The following ARHGEF19 variants were observed in gnomAD, a reference collection of about 807,000 sequenced individuals.
ARHGEF19 encodes Rho guanine nucleotide exchange factor 19, also known as Rho guanine nucleotide exchange factor (GEF) 19.
A neutral mutation model predicts 87.6 loss-of-function variants in ARHGEF19; 92 were observed. The ratio of observed to expected loss-of-function variants is 1.05; its 90% CI spans 0.89 to 1.25. The LOEUF is 1.25. ARHGEF19 is among the 50% of genes most tolerant of loss of function. The probability of loss-of-function intolerance (pLI) is 0.00; values close to 1 mark genes in which losing one functional copy is unlikely to be tolerated. For missense variants in ARHGEF19, 1,054 were observed against 1,051.8 expected (o/e 1.00, Z -0.03); for synonymous variants, 438 against 446.2 (o/e 0.98, Z 0.23).
chr1:16,198,828 G>T lies in ARHGEF19; in HGVS notation c.2252-84C>A. The stretch of plus-strand genomic sequence containing the variant: ...AGGGAACACCACAGCCCTGATGCAA[G>T]CTTTGTCTGCACCCTTGGGGCCAAG... On this transcript the variant is annotated intron_variant, in intron 15 of 15. Coordinates refer to ENST00000270747, the MANE Select transcript of ARHGEF19 (RefSeq NM_153213.5). The surrounding 1 kb of genome is among the most constrained non-coding windows in gnomAD (Gnocchi z 4.1). 6.7e-7 allele frequency: 1 copy of T among 1,489,586 alleles called. No individual in the cohort carries two copies. The highest frequency in any genetic ancestry group is 9.0e-7 in the Non-Finnish European group (1 of 1,111,886). 92.3% of individuals were successfully genotyped at this position (1,489,586 alleles called of 1,614,324 possible). A position where few individuals can be genotyped will look rare whatever the true frequency, so the allele number is the denominator to read the frequency against.
In ARHGEF19 at chr1:16,206,962, A is replaced by G; in HGVS notation, c.1123T>C (p.Cys375Arg). 6.7e-7 allele frequency: 1 copy of G among 1,494,742 alleles called. No homozygotes were observed. The highest frequency in any genetic ancestry group is 8.9e-7 in the Non-Finnish European group (1 of 1,129,004). The allele number at this position is 1,494,742 out of a possible 1,614,324, so 92.6% of individuals were successfully genotyped here. ...CGCGCGCCCACCTCCTGCAGCTTGC[A>G]GTCCCGCAGGCTCAGCGTGGCCAGG... is the stretch of plus-strand genomic sequence containing the variant. Reference protein sequence around the residue: ...GVLATLSLRDCKLQEAKFELI... With the variant: ...GVLATLSLRDRKLQEAKFELI... Residue 375 changes from cysteine (C) to arginine (R), a missense_variant, in exon 6 of 16, where the codon TGC becomes CGC. Transcript: ENST00000270747. This position sits in a 1 kb window ranked among gnomAD's most constrained non-coding sequence, Gnocchi z 4.6.
At chr1:16,202,023 C>G (rs1456047316) in intron 13 of ARHGEF19, among the ~76,000 whole-genome samples, 162 bp from the exon 14 acceptor site, 1 of 150,746 alleles carries the variant, frequency 6.6e-6, no homozygotes, top group Non-Finnish European at 1.5e-5. Context: ...CACCCCACAA[C>G]CCGGTTCCCA....
At chr1:16,210,579 C>T (rs913708802) in intron 1 of ARHGEF19, among the ~76,000 whole-genome samples, 5 of 152,328 alleles carry the variant, frequency 3.3e-5, no homozygotes, top group African/African-American at 1.2e-4. Flanking sequence ...TCAGGCCAAC[C>T]AGATCCTCAG....
chr1:16,206,247 A>T lies in ARHGEF19; in HGVS notation c.1231T>A (p.Cys411Ser). 6.3e-7 allele frequency: 1 copy of T among 1,595,458 alleles called. No homozygotes were observed. Among genetic ancestry groups the T allele is most frequent in the Non-Finnish European group, 8.5e-7 (1 of 1,171,388 alleles). Residue 411 changes from cysteine to serine, a missense_variant, in exon 7 of 16, where the codon TGT becomes AGT. Coordinates refer to ENST00000270747, the MANE Select transcript of ARHGEF19 (RefSeq NM_153213.5). This position sits in a 1 kb window ranked among gnomAD's most constrained non-coding sequence, Gnocchi z 4.6. Reference protein sequence around the residue: ...HFLGSAELSECLGAQDKQWLF... With the variant: ...HFLGSAELSESLGAQDKQWLF... ...CACTGCTTGTCCTGCGCCCCCAGAC[A>T]CTCGCTCAGCTCGGCAGAGCCTAAG...
At chr1:16,209,935 C>T (rs975930614) in intron 1 of ARHGEF19, among the ~76,000 whole-genome samples, 1 of 152,256 alleles carries the variant, frequency 6.6e-6, no homozygotes, top group Non-Finnish European at 1.5e-5. Flanking sequence ...CCCCAGCACC[C>T]CCGGCTTGGA....
At chr1:16,204,720 C>G in intron 12 of ARHGEF19, 39 bp downstream of exon 12, 1 of 1,525,062 alleles carries the variant, frequency 6.6e-7, no homozygotes, top group Non-Finnish European at 8.8e-7. Context: ...GAGAGCCTGG[C>G]TCCACTTTAC....
Position 16,207,385 on chromosome 1 carries a change from G to T in ARHGEF19, c.874+137C>A, listed in dbSNP as rs1174012429. ...CATAAACAAATTGAGCACCTACTGA[G>T]TGCTAGATACCGACAGTTCCATTCT... is the stretch of plus-strand genomic sequence containing the variant. On this transcript the variant is annotated intron_variant, in intron 5 of 15. Coordinates refer to ENST00000270747, the MANE Select transcript of ARHGEF19 (RefSeq NM_153213.5). This position sits in a 1 kb window ranked among gnomAD's most constrained non-coding sequence, Gnocchi z 4.0. The T allele has an allele frequency of 4.5e-6, 6 of 1,337,580 alleles. No individual in the cohort carries two copies. Among genetic ancestry groups the T allele is most frequent in the Non-Finnish European group, 6.1e-6 (6 of 981,730 alleles). The allele number at this position is 1,337,580 out of a possible 1,614,324, so 82.9% of individuals were successfully genotyped here. A position where few individuals can be genotyped will look rare whatever the true frequency, so the allele number is the denominator to read the frequency against.
Position 16,204,793 on chromosome 1 carries a change from A to G in ARHGEF19, c.1873T>C (p.Phe625Leu). ...CGAGAGAGCAGCAAGCAGTCATTGAAGAGGTGGAGGTAGACTGCCTTGCTG... is the reference window on the plus strand; with the variant it reads ...CGAGAGAGCAGCAAGCAGTCATTGAGGAGGTGGAGGTAGACTGCCTTGCTG... ...LSSKAVYLHL[F>L]NDCLLLSRRK... Residue 625 changes from phenylalanine (F) to leucine (L), a missense_variant, in exon 12 of 16, where the codon TTC becomes CTC. By Grantham distance (22) the Phe-to-Leu change is conservative (BLOSUM62 0). Coordinates refer to ENST00000270747, the MANE Select transcript of ARHGEF19 (RefSeq NM_153213.5). 1 of 1,610,926 alleles carries G rather than the reference A, an allele frequency of 6.2e-7. No homozygotes were observed. The highest frequency in any genetic ancestry group is 1.1e-5 in the South Asian group (1 of 90,846).
chr1:16,209,787 C>T (rs1415178280), intron 1 of ARHGEF19, among the ~76,000 whole-genome samples: 1 of 152,378 alleles, frequency 6.6e-6, no homozygotes, highest in Non-Finnish European at 1.5e-5. Flanking sequence ...CCCCCATCTC[C>T]CCGACCCTTG....
At position 16,207,856 on chromosome 1, in the gene ARHGEF19, G is replaced by T; in HGVS notation, c.695-79C>A. ...GGGCCCCGGCCCAGGCACCCTGACG[G>T]CCTCAGGCGGCCGGTGAGTGGGCAT... On this transcript the variant is annotated intron_variant, in intron 3 of 15. Coordinates refer to ENST00000270747, the MANE Select transcript of ARHGEF19 (RefSeq NM_153213.5). This position sits in a 1 kb window ranked among gnomAD's most constrained non-coding sequence, Gnocchi z 4.0. 3.2e-6 allele frequency: 5 copies of T among 1,585,228 alleles called. No individual in the cohort carries two copies. The highest frequency in any genetic ancestry group is 4.3e-6 in the Non-Finnish European group (5 of 1,166,886).
chr1:16,201,896 C>A (rs746162562), intron 13 of ARHGEF19, 35 bp from the exon 14 acceptor site: 1 of 1,607,184 alleles, frequency 6.2e-7, no homozygotes, highest in Non-Finnish European at 8.5e-7. Context: ...TCACAATATG[C>A]AAAGTGCAGT....
chr1:16,209,932 AC>A (rs1307702419), intron 1 of ARHGEF19, among the ~76,000 whole-genome samples: 3 of 152,128 alleles, frequency 2.0e-5, no homozygotes, highest in Non-Finnish European at 4.4e-5. Context: ...GTGCCCCAGC[AC>A]CCCCGGCTTG....
At position 16,206,395 on chromosome 1, in the gene ARHGEF19, C is replaced by T; in HGVS notation, c.1138-55G>A. On this transcript the variant is annotated intron_variant, in intron 6 of 15. Transcript: ENST00000270747. The surrounding 1 kb of genome is among the most constrained non-coding windows in gnomAD (Gnocchi z 4.6). The stretch of plus-strand genomic sequence containing the variant: ...GGCAGGACCAGTTCACCTCGGAGGC[C>T]CTGGCCTCACATCCCCAGACCCCAG... 6.5e-7 allele frequency: 1 copy of T among 1,545,682 alleles called. No individual in the cohort carries two copies. Among genetic ancestry groups the T allele is most frequent in the Non-Finnish European group, 8.8e-7 (1 of 1,140,908 alleles).
chr1:16,208,983 T>G lies in ARHGEF19; in HGVS notation c.72A>C (p.Val24=). 1.3e-6 allele frequency: 2 copies of G among 1,538,478 alleles called. No homozygotes were observed. The highest frequency in any genetic ancestry group is 1.7e-6 in the Non-Finnish European group (2 of 1,143,990). The change falls in exon 2 of 16, where the codon GTA becomes GTC. Residue 24 remains valine, a synonymous_variant. Coordinates refer to ENST00000270747, the MANE Select transcript of ARHGEF19 (RefSeq NM_153213.5). ...TGPPGTAHHP[V]AVCQQESLSF... The stretch of plus-strand genomic sequence containing the variant: ...ACAGACTCTCCTGCTGGCACACTGC[T>G]ACAGGGTGGTGGGCAGTGCCAGGTG...
In ARHGEF19 at chr1:16,207,237, C is replaced by G. The variant is rs2081148501; in HGVS notation, c.875-27G>C. ...TGGGGGAAAGACGGGCGGGGGAGAGCGTGGGGCGCCCGCCAGCCCCTGCCC... is the reference window on the plus strand; with the variant it reads ...TGGGGGAAAGACGGGCGGGGGAGAGGGTGGGGCGCCCGCCAGCCCCTGCCC... On this transcript the variant is annotated intron_variant, in intron 5 of 15. Transcript: ENST00000270747. The surrounding 1 kb of genome is among the most constrained non-coding windows in gnomAD (Gnocchi z 4.0). The G allele has an allele frequency of 6.8e-7, 1 of 1,475,340 alleles. No individual in the cohort carries two copies. Among genetic ancestry groups the G allele is most frequent in the African/African-American group, 1.4e-5 (1 of 70,674 alleles). 91.4% of individuals were successfully genotyped at this position (1,475,340 alleles called of 1,614,324 possible). A position where few individuals can be genotyped will look rare whatever the true frequency, so the allele number is the denominator to read the frequency against.
Position 16,207,813 on chromosome 1 carries a change from A to G in ARHGEF19, c.695-36T>C, listed in dbSNP as rs753901206. On this transcript the variant is annotated intron_variant, in intron 3 of 15. Coordinates refer to ENST00000270747, the MANE Select transcript of ARHGEF19 (RefSeq NM_153213.5). This position sits in a 1 kb window ranked among gnomAD's most constrained non-coding sequence, Gnocchi z 4.0. ...CGAGAACTGAGGGTGGGGGGTCCAG[A>G]GAGTGGGCCTGGGGCCTGGGCCCCG... 1.2e-6 allele frequency: 2 copies of G among 1,610,420 alleles called. No homozygotes were observed. The highest frequency in any genetic ancestry group is 1.7e-6 in the Non-Finnish European group (2 of 1,178,902).
chr1:16,201,570 T>C (rs1372600705), intron 14 of ARHGEF19, among the ~76,000 whole-genome samples: 7 of 152,202 alleles, frequency 4.6e-5, no homozygotes, highest in African/African-American at 1.7e-4. Flanking sequence ...GAAGGCTTTA[T>C]GATCTCCAGG....
In ARHGEF19 at chr1:16,205,234, G is replaced by C; in HGVS notation, c.1657-58C>G. On this transcript the variant is annotated intron_variant, in intron 10 of 15. Coordinates refer to ENST00000270747, the MANE Select transcript of ARHGEF19 (RefSeq NM_153213.5). The surrounding 1 kb of genome is among the most constrained non-coding windows in gnomAD (Gnocchi z 5.8). Reference sequence around the variant, plus strand: ...CCTCAGCTCCGGCTCCCAGAGCCCAGCCTCAGACTCTTGCCTGGGGACCGG... The same window carrying C: ...CCTCAGCTCCGGCTCCCAGAGCCCACCCTCAGACTCTTGCCTGGGGACCGG... 2 of 1,594,346 alleles carry C rather than the reference G, an allele frequency of 1.3e-6. No individual in the cohort carries two copies. The highest frequency in any genetic ancestry group is 1.1e-5 in the South Asian group (1 of 89,398).
At chr1:16,209,113 A>G in intron 1 of ARHGEF19, 30 bp from the exon 2 acceptor site, 1 of 1,388,198 alleles carries the variant, frequency 7.2e-7, no homozygotes, top group Non-Finnish European at 9.3e-7. Context: ...AGACCTAGAC[A>G]GAGGACAGTG....
Sources: allele counts gnomAD v4.1 joint callset (sites outside exome capture counted in the v4.1 genomes callset), GRCh38; gene constraint gnomAD v4.1.1; non-coding constraint Gnocchi (gnomAD v3.1); transcripts MANE v1.5; gene names NCBI Gene and HGNC (gene_info 2026-07-23, HGNC 2026-07-21).